SYT16: variants seen among roughly 807,000 people sequenced by gnomAD.
The protein encoded by SYT16 is synaptotagmin-16.
SYT16 carries 42 observed loss-of-function variants against 61.4 expected under a neutral mutation model. The ratio of observed to expected loss-of-function variants is 0.68; its 90% CI spans 0.53 to 0.89. The LOEUF (loss-of-function observed/expected upper bound fraction) is 0.89. Ranked by LOEUF, SYT16 falls within the 40% of genes least tolerant of loss-of-function variation. The probability of loss-of-function intolerance (pLI) is 0.00; values close to 1 mark genes in which losing one functional copy is unlikely to be tolerated. For synonymous variants in SYT16, 314 were observed against 302.3 expected (o/e 1.04, Z -0.40); for missense variants, 804 against 807.3 (o/e 1.00, Z 0.05).
intron 7 of SYT16, among the ~76,000 whole-genome samples, chr14:62,093,711 A>G (rs1480629380): frequency 6.6e-6 from 1 of 152,152 alleles, no homozygotes; most frequent in Non-Finnish European, 1.5e-5. Context: ...TTGATTAAAA[A>G]ATAAAATTTT....
chr14:62,028,205 T>C (rs930986081), intron 3 of SYT16, among the ~76,000 whole-genome samples: 3 of 152,200 alleles, frequency 2.0e-5, no homozygotes. Context: ...TGTCTTGCAA[T>C]GGTTTGATTA....
chr14:61,872,901 T>C (rs547185829), intron 1 of SYT16, among the ~76,000 whole-genome samples: 78 of 152,370 alleles, frequency 5.1e-4, no homozygotes, highest in African/African-American at 1.8e-3. Flanking sequence ...GTAAAAATAA[T>C]TCATTAATCT....
intron 1 of SYT16, among the ~76,000 whole-genome samples, chr14:61,891,399 G>C (rs567858794): frequency 6.6e-6 from 1 of 152,176 alleles, no homozygotes; most frequent in East Asian, 1.9e-4. Flanking sequence ...TTGAGAATGT[G>C]ACATTAGGGA....
At chr14:61,999,363 A>G (rs1241428547) in intron 3 of SYT16, among the ~76,000 whole-genome samples, 1 of 151,496 alleles carries the variant, frequency 6.6e-6, no homozygotes, top group Non-Finnish European at 1.5e-5. Context: ...GAGTTTTTCA[A>G]ATTTTTTCAT....
At chr14:61,827,369 G>T (rs897923301) in intron 1 of SYT16, among the ~76,000 whole-genome samples, 1 of 152,210 alleles carries the variant, frequency 6.6e-6, no homozygotes, top group African/African-American at 2.4e-5. Flanking sequence ...GAAAGATGGT[G>T]AGACTTAGTT....
At chr14:61,962,249 A>G (rs182892161) in intron 1 of SYT16, among the ~76,000 whole-genome samples, 45 of 152,176 alleles carry the variant, frequency 3.0e-4, no homozygotes, top group African/African-American at 1.0e-3. Context: ...AAACCTGCAC[A>G]TATATCCCTG....
At chr14:61,999,014 GGTATTCTTTTAAT>G (rs2052882969) in intron 3 of SYT16, among the ~76,000 whole-genome samples, 2 of 151,618 alleles carry the variant, frequency 1.3e-5, no homozygotes, top group Non-Finnish European at 3.0e-5. Context: ...GTCATGTTAT[GGTATTCTTTTAAT>G]GTATTACTGG....
intron 3 of SYT16, among the ~76,000 whole-genome samples, chr14:62,037,476 T>G (rs752405694): frequency 7.9e-5 from 12 of 152,172 alleles, no homozygotes; most frequent in Non-Finnish European, 1.3e-4. Context: ...CTATTCTTAA[T>G]GCAGGTGCAC....
chr14:61,856,951 G>C (rs2046794991), intron 1 of SYT16, among the ~76,000 whole-genome samples: 1 of 152,164 alleles, frequency 6.6e-6, no homozygotes, highest in South Asian at 2.1e-4. Context: ...CTTCAAAAAA[G>C]AGAATGATCA....
intron 1 of SYT16, among the ~76,000 whole-genome samples, chr14:61,863,154 G>A (rs1007827121): frequency 6.6e-6 from 1 of 152,148 alleles, no homozygotes. Context: ...ATGACTGCTG[G>A]ATCATATGGT....
At chr14:62,013,591 C>T (rs947435013) in intron 3 of SYT16, among the ~76,000 whole-genome samples, 1 of 152,116 alleles carries the variant, frequency 6.6e-6, no homozygotes, top group Admixed American at 6.5e-5. Flanking sequence ...ATTGCCGTGA[C>T]CTCCTGAATG....
At chr14:62,085,427 T>G (rs1001735750) in intron 7 of SYT16, among the ~76,000 whole-genome samples, 2 of 152,138 alleles carry the variant, frequency 1.3e-5, no homozygotes, top group African/African-American at 4.8e-5. Flanking sequence ...AGTAGAGGGC[T>G]AGGGAGCCTG....
chr14:62,066,573 C>G (rs72718587), intron 3 of SYT16, among the ~76,000 whole-genome samples: 20,492 of 152,190 alleles, frequency 0.13, 1,495 homozygotes, highest in South Asian at 0.2. Flanking sequence ...AGTATTTTCT[C>G]TCACTTGAAA....
At chr14:62,078,987 A>G (rs752978338) in intron 5 of SYT16, among the ~76,000 whole-genome samples, 1 of 152,204 alleles carries the variant, frequency 6.6e-6, no homozygotes, top group East Asian at 1.9e-4. Flanking sequence ...AAAGGATTTG[A>G]TATGGTATTT....
chr14:62,043,696 C>T (rs1398512429), intron 3 of SYT16, among the ~76,000 whole-genome samples: 5 of 151,990 alleles, frequency 3.3e-5, no homozygotes, highest in East Asian at 1.9e-4. Context: ...CATGAGCCAC[C>T]GCGCCCAGCC....
intron 1 of SYT16, among the ~76,000 whole-genome samples, chr14:61,841,777 T>G (rs895860202): frequency 3.3e-5 from 5 of 152,214 alleles, no homozygotes; most frequent in Non-Finnish European, 7.3e-5. Context: ...GTTTGATTTT[T>G]TTTGCTTTTG....
In SYT16 at chr14:62,101,905, A is replaced by G. The variant is rs2057427822; in HGVS notation, c.*1198A>G. The G allele has an allele frequency of 1.3e-5, 2 of 152,194 alleles. No homozygotes were observed. Among genetic ancestry groups the G allele is most frequent in the Non-Finnish European group, 2.9e-5 (2 of 68,026 alleles). 9.4% of individuals were successfully genotyped at this position (152,194 alleles called of 1,614,324 possible). Reference sequence around the variant, plus strand: ...ATACTGATCTTGTATGGTTATGAGCATGGGATTTTACTTATGACTTAATTT... The same window carrying G: ...ATACTGATCTTGTATGGTTATGAGCGTGGGATTTTACTTATGACTTAATTT... On this transcript the variant is annotated 3_prime_UTR_variant, in exon 8 of 8. Coordinates refer to ENST00000683842, the MANE Select transcript of SYT16 (RefSeq NM_001367656.1).
intron 1 of SYT16, among the ~76,000 whole-genome samples, chr14:61,912,183 T>A (rs542925243): frequency 6.6e-6 from 1 of 152,242 alleles, no homozygotes; most frequent in Non-Finnish European, 1.5e-5. Flanking sequence ...GCTGGGAGAC[T>A]AAGAATTTAT....
chr14:61,841,529 T>C (rs2046300494), intron 1 of SYT16, among the ~76,000 whole-genome samples: 1 of 152,206 alleles, frequency 6.6e-6, no homozygotes, highest in Non-Finnish European at 1.5e-5. Flanking sequence ...ATTTTAATTA[T>C]TTTATTTTAG....
Sources: allele counts gnomAD v4.1 joint callset (sites outside exome capture counted in the v4.1 genomes callset), GRCh38; gene constraint gnomAD v4.1.1; transcripts MANE v1.5; gene names NCBI Gene and HGNC (gene_info 2026-07-23, HGNC 2026-07-21).